The following LRP1B variants were observed in gnomAD, a reference collection of about 807,000 sequenced individuals.
LRP1B encodes the protein LDL receptor related protein 1B.
A neutral mutation model predicts 556.6 loss-of-function variants in LRP1B; 217 were observed. That is an observed-to-expected ratio of 0.39 (90% confidence interval 0.35 to 0.44). The LOEUF is 0.44. Ranked by LOEUF, LRP1B falls within the 20% of genes least tolerant of loss-of-function variation. LRP1B has a pLI of 1.00. For synonymous variants in LRP1B, 2,047 were observed against 1,865.8 expected (o/e 1.10, Z -2.50); for missense variants, 5,053 against 5,620.8 (o/e 0.90, Z 3.23).
chr2:141,748,517 C>T (rs1451108143), intron 2 of LRP1B, among the ~76,000 whole-genome samples: 1 of 152,176 alleles, frequency 6.6e-6, no homozygotes, highest in Admixed American at 6.6e-5. Flanking sequence ...CAAGGCACTA[C>T]ATCTGAACAC....
At chr2:142,123,210 C>T (rs772367525) in intron 1 of LRP1B, among the ~76,000 whole-genome samples, 2 of 152,128 alleles carry the variant, frequency 1.3e-5, no homozygotes, top group South Asian at 4.1e-4. Flanking sequence ...AGTTTCATTT[C>T]TCCCCAAAAC....
intron 1 of LRP1B, among the ~76,000 whole-genome samples, chr2:141,925,768 G>A (rs1411746350): frequency 6.6e-6 from 1 of 152,148 alleles, no homozygotes; most frequent in African/African-American, 2.4e-5. Flanking sequence ...GGCTCTGCTG[G>A]GCAAGGCAAT....
rs554613935 is a variant in LRP1B at position 140,807,058 on chromosome 2, T to C, written c.5359+6599A>G. The stretch of plus-strand genomic sequence containing the variant: ...ATTTTAGTCAATAGTTTTAAAGTCC[T>C]GCTCCTCATAAAGGCACTAAAAACT... On this transcript the variant is annotated intron_variant, in intron 32 of 90. Coordinates refer to ENST00000389484, the MANE Select transcript of LRP1B (RefSeq NM_018557.3). Among the ~76,000 whole-genome samples, 25 of 152,328 alleles carry C rather than the reference T, an allele frequency of 1.6e-4. No individual in the cohort carries two copies. In the East Asian group the frequency reaches 4.4e-3, roughly 27 times the overall value.
At chr2:141,334,874 AAGAC>A (rs1687788745) in intron 3 of LRP1B, among the ~76,000 whole-genome samples, 1 of 152,124 alleles carries the variant, frequency 6.6e-6, no homozygotes, top group South Asian at 2.1e-4. Context: ...TTTTTTTAAA[AAGAC>A]AGAAAGAAAT....
intron 2 of LRP1B, among the ~76,000 whole-genome samples, chr2:141,484,042 T>C (rs1213331282): frequency 6.6e-6 from 1 of 152,250 alleles, no homozygotes; most frequent in Admixed American, 6.5e-5. Context: ...CTTGCCCATG[T>C]CTATGTCCTG....
rs1685384296 is a variant in LRP1B, at chr2:141,544,298, C to CTTCTTCTTCTTCTTCTTCTTCTTCTT, written c.206-63791_206-63766dup. On this transcript the variant is annotated intron_variant, in intron 2 of 90. Transcript: ENST00000389484. ...GTCTTCTCTTAAGAAATTTACCACT[C>CTTCTTCTTCTTCTTCTTCTTCTTCTT]TTCTTCTTCTTCTTCTTCTTCTTCT... Among the ~76,000 whole-genome samples the CTTCTTCTTCTTCTTCTTCTTCTTCTT allele has an allele frequency of 1.1e-3, 5 of 4,616 alleles. 1 individual carries two copies. The highest frequency in any genetic ancestry group is 1.1e-3 in the African/African-American group (1 of 874). 3.0% of individuals were successfully genotyped at this position (4,616 alleles called of 152,430 possible).
chr2:140,699,941 T>C lies in LRP1B; in HGVS notation c.6799+309A>G, dbSNP rs539950663. On this transcript the variant is annotated intron_variant, in intron 41 of 90. Transcript: ENST00000389484. ...GGAAAAAAAAAATCAATTAGAATAG[T>C]TTTACACTGAAAAATGATTTTTCAT... 6.7e-5 allele frequency among the ~76,000 whole-genome samples: 10 copies of C among 150,260 alleles called. No homozygotes were observed. The South Asian group carries it at 2.1e-3, about 31-fold the overall frequency.
At chr2:142,097,735 G>C (rs1706425874) in intron 1 of LRP1B, among the ~76,000 whole-genome samples, 1 of 151,566 alleles carries the variant, frequency 6.6e-6, no homozygotes. Context: ...ATCAAACTAA[G>C]AAGTTAGAAG....
chr2:140,532,598 T>C (rs1690748048), intron 47 of LRP1B, among the ~76,000 whole-genome samples: 1 of 152,042 alleles, frequency 6.6e-6, no homozygotes, highest in African/African-American at 2.4e-5. Context: ...GGTTTCACCA[T>C]GTTGACCAGG....
At chr2:141,501,994 C>T (rs1360285132) in intron 2 of LRP1B, among the ~76,000 whole-genome samples, 1 of 152,082 alleles carries the variant, frequency 6.6e-6, no homozygotes, top group Non-Finnish European at 1.5e-5. Context: ...GATCTAACCT[C>T]AAAGTCTAAC....
At chr2:141,979,664 T>C (rs921493331) in intron 1 of LRP1B, among the ~76,000 whole-genome samples, 2 of 152,104 alleles carry the variant, frequency 1.3e-5, no homozygotes, top group Non-Finnish European at 2.9e-5. Context: ...TTAAAATACA[T>C]ACTGAGAAAT....
intron 66 of LRP1B, among the ~76,000 whole-genome samples, chr2:140,395,906 G>A (rs1249178833): frequency 6.6e-6 from 1 of 151,916 alleles, no homozygotes; most frequent in Non-Finnish European, 1.5e-5. Flanking sequence ...TTAGAAATTT[G>A]TGTTGTAACT....
intron 1 of LRP1B, among the ~76,000 whole-genome samples, chr2:141,938,998 G>A (rs1344796505): frequency 6.6e-6 from 1 of 151,974 alleles, no homozygotes; most frequent in Non-Finnish European, 1.5e-5. Context: ...GCTTGGAGGG[G>A]AGAGTTATGG....
Position 140,941,380 on chromosome 2 carries a change from C to T in LRP1B, c.3136+8855G>A, listed in dbSNP as rs183589741. 5.9e-5 allele frequency among the ~76,000 whole-genome samples: 9 copies of T among 152,166 alleles called. No individual in the cohort carries two copies. The East Asian group carries it at 1.4e-3, about 23-fold the overall frequency. ...TGAGAGAAAACACTGAAAGTCAATA[C>T]GGGCAACACAGGTACCATGGGTGAA... is the stretch of plus-strand genomic sequence containing the variant. On this transcript the variant is annotated intron_variant, in intron 20 of 90. Transcript: ENST00000389484.
intron 20 of LRP1B, among the ~76,000 whole-genome samples, chr2:140,947,027 G>T (rs944767162): frequency 6.6e-6 from 1 of 152,146 alleles, no homozygotes; most frequent in South Asian, 2.1e-4. Context: ...TGGAGAGAAG[G>T]AATGTGAGCA....
intron 1 of LRP1B, among the ~76,000 whole-genome samples, chr2:142,030,432 A>G (rs1258328719): frequency 6.6e-6 from 1 of 151,938 alleles, no homozygotes; most frequent in African/African-American, 2.4e-5. Flanking sequence ...TCCTTGGCTC[A>G]TTATATAAAA....
chr2:140,325,590 T>G (rs654051), intron 80 of LRP1B, among the ~76,000 whole-genome samples, 172 bp downstream of exon 80: 103,989 of 151,950 alleles, frequency 0.68, 35,912 homozygotes, highest in Non-Finnish European at 0.74. Context: ...TGGCCTCTAT[T>G]TTTTTCCAGT....
chr2:141,581,401 C>T (rs1305230308), intron 2 of LRP1B, among the ~76,000 whole-genome samples: 1 of 152,110 alleles, frequency 6.6e-6, no homozygotes, highest in East Asian at 1.9e-4. Flanking sequence ...ATATTGATTA[C>T]ATCTTTTATT....
intron 88 of LRP1B, 94 bp from the exon 89 acceptor site, chr2:140,238,390 G>T: frequency 3.3e-6 from 2 of 605,830 alleles, no homozygotes; most frequent in South Asian, 3.2e-5. Context: ...GACTTATTTT[G>T]AAATAAATTG....
Sources: allele counts gnomAD v4.1 joint callset (sites outside exome capture counted in the v4.1 genomes callset), GRCh38; gene constraint gnomAD v4.1.1; transcripts MANE v1.5; gene names NCBI Gene and HGNC (gene_info 2026-07-23, HGNC 2026-07-21).